The following RBM33 variants were observed in gnomAD, a reference collection of about 807,000 sequenced individuals.
The protein encoded by RBM33 is RNA-binding protein 33.
In RBM33, 28 loss-of-function variants were observed where a neutral mutation model predicts 132.6. The ratio of observed to expected loss-of-function variants is 0.21; its 90% CI spans 0.16 to 0.29. The LOEUF is 0.29. Among genes scored for constraint, RBM33 ranks in the 10% least tolerant of loss-of-function variants. The pLI is 1.00. For missense variants in RBM33, 1,291 were observed against 1,518.5 expected (o/e 0.85, Z 2.49); for synonymous variants, 634 against 593.0 (o/e 1.07, Z -1.01).
intron 14 of RBM33, among the ~76,000 whole-genome samples, chr7:155,760,415 G>A (rs1424341799): frequency 6.6e-6 from 1 of 152,208 alleles, no homozygotes; most frequent in Non-Finnish European, 1.5e-5. Flanking sequence ...CTGTTGGGTT[G>A]CTGAGTTGTG....
At chr7:155,649,108 T>G (rs1049862969) in intron 1 of RBM33, among the ~76,000 whole-genome samples, 1 of 152,192 alleles carries the variant, frequency 6.6e-6, no homozygotes, top group Non-Finnish European at 1.5e-5. Flanking sequence ...TGTTTTCTCC[T>G]TCTGGGACTC....
chr7:155,718,344 TGAGTA>T (rs1162245629), intron 8 of RBM33, 36 bp from the exon 9 acceptor site: 1 of 1,560,730 alleles, frequency 6.4e-7, no homozygotes, highest in Non-Finnish European at 8.8e-7. Context: ...GTTTGAGTGT[TGAGTA>T]AAGTGTGTCT....
chr7:155,726,904 T>C (rs1241925557), intron 9 of RBM33, among the ~76,000 whole-genome samples: 1 of 152,236 alleles, frequency 6.6e-6, no homozygotes, highest in Non-Finnish European at 1.5e-5. Flanking sequence ...GATGTAACTT[T>C]AGTTAATTCA....
At chr7:155,713,262 A>C (rs1800358413) in intron 8 of RBM33, among the ~76,000 whole-genome samples, 1 of 152,036 alleles carries the variant, frequency 6.6e-6, no homozygotes, top group Non-Finnish European at 1.5e-5. Flanking sequence ...CAGTTGGATG[A>C]GAATTCAGTA....
At chr7:155,768,340 A>G (rs997689538) in intron 16 of RBM33, among the ~76,000 whole-genome samples, 2 of 152,118 alleles carry the variant, frequency 1.3e-5, no homozygotes, top group African/African-American at 4.8e-5. Flanking sequence ...TTTAAATTGA[A>G]TTTTGCATTT....
chr7:155,718,438 T>G lies in RBM33; in HGVS notation c.1255T>G (p.Phe419Val), dbSNP rs1360713383. ...QPRPAVGPQR[F>V]PGPPEFPQHT... ...GAGACCTGCCGTGGGACCCCAGAGA[T>G]TCCCAGTGAGTAGCAGCTGCTCCTT... The change falls in exon 9 of 18, where the codon TTC becomes GTC. Residue 419 changes from phenylalanine to valine, a missense_variant. Around this residue, in one of 7 missense-constraint regions of RBM33, gnomAD observed 841 missense variants for 912.0 expected, o/e 0.92. Coordinates refer to ENST00000401878, the MANE Select transcript of RBM33 (RefSeq NM_053043.3). 1 of 1,613,444 alleles carries G rather than the reference T, an allele frequency of 6.2e-7. No individual in the cohort carries two copies. Among genetic ancestry groups the G allele is most frequent in the African/African-American group, 1.3e-5 (1 of 74,872 alleles).
chr7:155,690,614 C>T (rs574073890), intron 5 of RBM33, among the ~76,000 whole-genome samples: 7 of 152,126 alleles, frequency 4.6e-5, no homozygotes, highest in Admixed American at 1.3e-4. Flanking sequence ...ACCGGTTGTT[C>T]CTTTCCACGT....
At chr7:155,727,269 C>G (rs918141763) in intron 9 of RBM33, among the ~76,000 whole-genome samples, 1 of 152,176 alleles carries the variant, frequency 6.6e-6, no homozygotes. Flanking sequence ...GAGCTCCCCC[C>G]ACCCATCCCC....
rs945882651 is a variant in RBM33 at position 155,693,203 on chromosome 7, C to T, written c.568-7570C>T. 3.3e-5 allele frequency among the ~76,000 whole-genome samples: 5 copies of T among 151,976 alleles called. No individual in the cohort carries two copies. In the South Asian group the frequency reaches 6.2e-4, roughly 19 times the overall value. On this transcript the variant is annotated intron_variant, in intron 5 of 17. Transcript: ENST00000401878. ...GATTTAAAAATTTTTTTACTGTAAG[C>T]GAGAAATATTCTTTTTCCTTTTTAA...
chr7:155,678,826 A>G (rs1799255909), intron 4 of RBM33, 142 bp downstream of exon 4: 1 of 572,046 alleles, frequency 1.7e-6, no homozygotes, highest in African/African-American at 1.9e-5. Flanking sequence ...GAATACTAGT[A>G]ATAACTGTAG....
intron 2 of RBM33, among the ~76,000 whole-genome samples, chr7:155,668,223 T>C (rs188186958): frequency 6.6e-6 from 1 of 152,232 alleles, no homozygotes; most frequent in African/African-American, 2.4e-5. Context: ...ACTTACACAG[T>C]GTGGATATGT....
At chr7:155,728,164 C>A (rs1344366520) in intron 9 of RBM33, among the ~76,000 whole-genome samples, 2 of 152,108 alleles carry the variant, frequency 1.3e-5, no homozygotes, top group African/African-American at 4.8e-5. Flanking sequence ...TTTTCTTATC[C>A]TGCTACCACT....
intron 1 of RBM33, 35 bp downstream of exon 1, chr7:155,644,954 C>G (rs1318432944): frequency 2.7e-6 from 4 of 1,461,794 alleles, no homozygotes; most frequent in Middle Eastern, 3.5e-4. Flanking sequence ...GGGCCAGGAC[C>G]GCGCCGCGGT....
rs538687245 is a variant in RBM33 at position 155,674,119 on chromosome 7, T to A, written c.171+1204T>A. ...GCTTTCCCTCCTTTAGATGGCTCTGTCATCACTTCTAACACTTAAGAGTTA... is the reference window on the plus strand; with the variant it reads ...GCTTTCCCTCCTTTAGATGGCTCTGACATCACTTCTAACACTTAAGAGTTA... On this transcript the variant is annotated intron_variant, in intron 3 of 17. Transcript: ENST00000401878. 5.3e-5 allele frequency among the ~76,000 whole-genome samples: 8 copies of A among 152,142 alleles called. No individual in the cohort carries two copies. The South Asian group carries it at 1.7e-3, about 32-fold the overall frequency.
chr7:155,753,286 G>A (rs1025319028), intron 14 of RBM33, among the ~76,000 whole-genome samples: 2 of 152,216 alleles, frequency 1.3e-5, no homozygotes, highest in African/African-American at 4.8e-5. Context: ...CTCCTTTCTA[G>A]ATTTGCAAAA....
intron 2 of RBM33, among the ~76,000 whole-genome samples, chr7:155,670,011 C>G (rs766574114): frequency 2.0e-5 from 3 of 152,126 alleles, no homozygotes; most frequent in Non-Finnish European, 2.9e-5. Context: ...TGGGGAGGAC[C>G]CAGAGACTAC....
At chr7:155,751,035 A>G (rs766692847) in intron 14 of RBM33, among the ~76,000 whole-genome samples, 16 of 152,272 alleles carry the variant, frequency 1.1e-4, no homozygotes, top group Non-Finnish European at 2.2e-4. Flanking sequence ...TTTGGACTGC[A>G]TTTGTAAATT....
At chr7:155,726,608 C>G (rs1800800792) in intron 9 of RBM33, among the ~76,000 whole-genome samples, 1 of 152,176 alleles carries the variant, frequency 6.6e-6, no homozygotes, top group Admixed American at 6.5e-5. Context: ...ACTAAAAGTT[C>G]TGTTAAGTGA....
At chr7:155,737,254 G>T (rs1373251248) in intron 9 of RBM33, among the ~76,000 whole-genome samples, 1 of 150,952 alleles carries the variant, frequency 6.6e-6, no homozygotes, top group African/African-American at 2.5e-5. Flanking sequence ...GCGTGTGTGT[G>T]TGTGTGTGTG....
Sources: gnomAD v4.1 joint callset for allele counts (sites outside exome capture counted in the v4.1 genomes callset) on GRCh38, gnomAD v4.1.1 for gene constraint, gnomAD v4.1.1 regional missense constraint, MANE v1.5 for transcripts, NCBI Gene and HGNC (gene_info 2026-07-23, HGNC 2026-07-21) for gene names.